The following EPB41L5 variants were observed in gnomAD, a reference collection of about 807,000 sequenced individuals.
EPB41L5 encodes the protein erythrocyte membrane protein band 4.1 like 5.
In EPB41L5, 55 loss-of-function variants were observed where a neutral mutation model predicts 106.6. The observed-to-expected ratio is 0.52, with a 90% confidence interval of 0.42 to 0.65. EPB41L5 has a LOEUF of 0.65. EPB41L5 is among the 30% of genes least tolerant of loss of function. The pLI is 0.00. For missense variants in EPB41L5, 871 were observed against 882.1 expected, an observed-to-expected ratio of 0.99 and a Z score of 0.16; for synonymous variants, 297 against 306.7, an observed-to-expected ratio of 0.97 and a Z score of 0.33.
chr2:120,076,019 G>A (rs1558851098), intron 7 of EPB41L5, among the ~76,000 whole-genome samples: 1 of 152,100 alleles, frequency 6.6e-6, no homozygotes, highest in East Asian at 1.9e-4. Context: ...TTGGGCCTTC[G>A]GCTAACTTTT....
At chr2:120,068,282 C>T (rs1033823743) in intron 3 of EPB41L5, among the ~76,000 whole-genome samples, 1 of 152,234 alleles carries the variant, frequency 6.6e-6, no homozygotes, top group East Asian at 1.9e-4. Context: ...TCTTCGCCAC[C>T]TGCAGACCAG....
chr2:120,133,941 C>G (rs1017653322), intron 18 of EPB41L5, among the ~76,000 whole-genome samples: 1 of 152,070 alleles, frequency 6.6e-6, no homozygotes, highest in African/African-American at 2.4e-5. Flanking sequence ...AAGCACCAAG[C>G]AGAGTCCTAA....
At chr2:120,116,464 A>T (rs1438633841) in intron 16 of EPB41L5, among the ~76,000 whole-genome samples, 1 of 152,166 alleles carries the variant, frequency 6.6e-6, no homozygotes, top group African/African-American at 2.4e-5. Context: ...CTGGAAACTT[A>T]AACATGAAAA....
chr2:120,145,418 G>T (rs73952051), intron 19 of EPB41L5, among the ~76,000 whole-genome samples: 1 of 152,176 alleles, frequency 6.6e-6, no homozygotes, highest in Non-Finnish European at 1.5e-5. Context: ...TCTCCATGCT[G>T]CTCTAAAGAA....
intron 3 of EPB41L5, among the ~76,000 whole-genome samples, chr2:120,057,946 A>C (rs1558833676): frequency 6.6e-6 from 1 of 152,074 alleles, no homozygotes; most frequent in Non-Finnish European, 1.5e-5. Context: ...ATAATTGGAG[A>C]GTTAACTGTA....
Position 120,050,551 on chromosome 2 carries a change from C to T in EPB41L5, c.285+8441C>T, listed in dbSNP as rs561457618. Among the ~76,000 whole-genome samples the T allele has an allele frequency of 3.9e-5, 6 of 152,270 alleles. No homozygotes were observed. The East Asian group carries it at 9.6e-4, about 24-fold the overall frequency. On this transcript the variant is annotated intron_variant, in intron 3 of 24. Transcript: ENST00000263713. ...TGTCTACACTAGTTATTCTAGTTAG[C>T]CATTCGTCTAATCTTTTTTCAAGGT...
intron 16 of EPB41L5, among the ~76,000 whole-genome samples, chr2:120,123,235 C>T (rs1319930309): frequency 6.6e-6 from 1 of 152,066 alleles, no homozygotes; most frequent in Non-Finnish European, 1.5e-5. Context: ...AACCTGGTCC[C>T]CTGGTTTCAA....
intron 2 of EPB41L5, among the ~76,000 whole-genome samples, chr2:120,029,650 T>G (rs552815298): frequency 1.3e-5 from 2 of 152,362 alleles, no homozygotes; most frequent in African/African-American, 4.8e-5. Context: ...CTAAATTTTT[T>G]GTGGACTGTA....
chr2:120,093,113 C>A (rs1424798574), intron 13 of EPB41L5, 136 bp from the exon 14 acceptor site: 4 of 764,870 alleles, frequency 5.2e-6, no homozygotes, highest in African/African-American at 5.2e-5. Flanking sequence ...TCATGAAAGA[C>A]CCTTTCTCAA....
chr2:120,174,917 G>A lies in EPB41L5; in HGVS notation c.*10G>A. Reference sequence around the variant, plus strand: ...GACCACTGAGCTCTGAGGGCCTGTAGCTGGAATACGCATCTCTCCAGCATT... The same window carrying A: ...GACCACTGAGCTCTGAGGGCCTGTAACTGGAATACGCATCTCTCCAGCATT... On this transcript the variant is annotated 3_prime_UTR_variant, in exon 25 of 25. Transcript: ENST00000263713. 2 of 1,612,740 alleles carry A rather than the reference G, an allele frequency of 1.2e-6. No individual in the cohort carries two copies. The highest frequency in any genetic ancestry group is 2.2e-5 in the South Asian group (2 of 91,058).
At chr2:120,030,877 A>AT (rs756909550) in intron 2 of EPB41L5, among the ~76,000 whole-genome samples, 3 of 149,384 alleles carry the variant, frequency 2.0e-5, no homozygotes, top group African/African-American at 7.4e-5. Context: ...TATTTTATTA[A>AT]TTAATTAATT....
chr2:120,162,265 G>A (rs776360166), intron 21 of EPB41L5, among the ~76,000 whole-genome samples: 3 of 152,110 alleles, frequency 2.0e-5, no homozygotes, highest in Non-Finnish European at 4.4e-5. Flanking sequence ...GTATCCACTC[G>A]CTAAACCCTT....
intron 18 of EPB41L5, among the ~76,000 whole-genome samples, chr2:120,134,968 C>T (rs187881695): frequency 1.3e-5 from 2 of 152,102 alleles, no homozygotes; most frequent in Admixed American, 1.3e-4. Flanking sequence ...GCATCAGTGA[C>T]CAATCCCAGA....
chr2:120,128,983 G>A (rs1685574714), intron 17 of EPB41L5, among the ~76,000 whole-genome samples: 1 of 152,124 alleles, frequency 6.6e-6, no homozygotes, highest in Admixed American at 6.6e-5. Context: ...ATATGTGGGA[G>A]CTACACAGGG....
At chr2:120,032,965 T>G (rs1167661307) in intron 2 of EPB41L5, among the ~76,000 whole-genome samples, 1 of 152,214 alleles carries the variant, frequency 6.6e-6, no homozygotes, top group Non-Finnish European at 1.5e-5. Context: ...ATGTCAAAAA[T>G]GTTTTTTTCC....
At chr2:120,035,200 T>G (rs1678967686) in intron 2 of EPB41L5, among the ~76,000 whole-genome samples, 1 of 152,216 alleles carries the variant, frequency 6.6e-6, no homozygotes, top group Non-Finnish European at 1.5e-5. Flanking sequence ...GTATAACCTT[T>G]ATCACTCGCT....
At chr2:120,139,075 C>T (rs1309534418) in intron 18 of EPB41L5, among the ~76,000 whole-genome samples, 3 of 151,924 alleles carry the variant, frequency 2.0e-5, no homozygotes, top group Admixed American at 1.3e-4. Flanking sequence ...AGAACATACA[C>T]TGGGGAAAGG....
Position 120,100,765 on chromosome 2 carries a change from A to G in EPB41L5, c.1288A>G (p.Ile430Val), listed in dbSNP as rs778253269. The change falls in exon 16 of 25, where the codon ATA becomes GTA. Residue 430 changes from isoleucine to valine, a missense_variant. Physicochemically the swap from Ile to Val is conservative, Grantham distance 29 (BLOSUM62 3). Coordinates refer to ENST00000263713, the MANE Select transcript of EPB41L5 (RefSeq NM_020909.4). ...TTCCTCTGCTCCTGTGCCAGTGGAG[A>G]TAGAGAATCTTCCACAGAGTCCTGG... ...SISSAPVPVE[I>V]ENLPQSPGTD... 3.7e-6 allele frequency: 6 copies of G among 1,612,780 alleles called. No individual in the cohort carries two copies. The Admixed American group carries it at 8.3e-5, about 22-fold the overall frequency.
At chr2:120,033,512 A>G (rs1678847627) in intron 2 of EPB41L5, among the ~76,000 whole-genome samples, 1 of 151,912 alleles carries the variant, frequency 6.6e-6, no homozygotes, top group Non-Finnish European at 1.5e-5. Context: ...GCTGGAGACC[A>G]GCCTAGCCAA....
Sources: allele counts gnomAD v4.1 joint callset (sites outside exome capture counted in the v4.1 genomes callset), GRCh38; gene constraint gnomAD v4.1.1; transcripts MANE v1.5; gene names NCBI Gene and HGNC (gene_info 2026-07-23, HGNC 2026-07-21).